SGCZ: variants seen among roughly 807,000 people sequenced by gnomAD.
SGCZ encodes sarcoglycan zeta, also known as zeta-sarcoglycan.
In SGCZ, 40 loss-of-function variants were observed where a neutral mutation model predicts 41.3. That is an observed-to-expected ratio of 0.97 (90% CI 0.75 to 1.26). The LOEUF (loss-of-function observed/expected upper bound fraction) is 1.26, where lower values mean the gene tolerates loss of function less well. Among genes scored for constraint, SGCZ ranks in the 50% most tolerant of loss-of-function variants. The probability of loss-of-function intolerance (pLI) is 0.00; values close to 1 mark genes in which losing one functional copy is unlikely to be tolerated. For missense variants in SGCZ, 552 were observed against 369.8 expected (o/e 1.49, Z -4.04); for synonymous variants, 206 against 137.5 (o/e 1.50, Z -3.49).
At chr8:14,865,179 G>A (rs1803884458) in intron 1 of SGCZ, among the ~76,000 whole-genome samples, 2 of 152,070 alleles carry the variant, frequency 1.3e-5, no homozygotes, top group East Asian at 3.9e-4. Flanking sequence ...ACCGTCACGT[G>A]ACTCCCAGCT....
chr8:15,109,639 A>G (rs903422541), intron 1 of SGCZ, among the ~76,000 whole-genome samples: 9 of 152,216 alleles, frequency 5.9e-5, no homozygotes, highest in Non-Finnish European at 1.2e-4. Flanking sequence ...TTGATTCAGG[A>G]AAACAGAAAT....
chr8:15,091,720 C>CA (rs1806159501), intron 1 of SGCZ, among the ~76,000 whole-genome samples: 1 of 152,132 alleles, frequency 6.6e-6, no homozygotes, highest in South Asian at 2.1e-4. Flanking sequence ...GACATTATAG[C>CA]AAAAGTTCAA....
chr8:14,368,080 G>A (rs934045165), intron 2 of SGCZ, among the ~76,000 whole-genome samples: 2 of 152,032 alleles, frequency 1.3e-5, no homozygotes, highest in Non-Finnish European at 2.9e-5. Flanking sequence ...GAAAAGGTAA[G>A]TAATTTTCCC....
chr8:14,749,997 C>A (rs1399161088), intron 1 of SGCZ, among the ~76,000 whole-genome samples: 2 of 152,092 alleles, frequency 1.3e-5, no homozygotes, highest in Admixed American at 1.3e-4. Context: ...GTTGATCATT[C>A]AAACTCTCCG....
intron 1 of SGCZ, among the ~76,000 whole-genome samples, chr8:15,212,148 G>A: frequency 6.6e-6 from 1 of 152,224 alleles, no homozygotes; most frequent in Non-Finnish European, 1.5e-5. Flanking sequence ...ATAACAATAT[G>A]TTCAAAATTA....
intron 1 of SGCZ, among the ~76,000 whole-genome samples, chr8:14,572,127 T>A (rs1322210199): frequency 6.6e-6 from 1 of 152,184 alleles, no homozygotes; most frequent in African/African-American, 2.4e-5. Flanking sequence ...TAAGATGAAA[T>A]TGCATTAATA....
intron 1 of SGCZ, among the ~76,000 whole-genome samples, chr8:14,646,918 T>TGAAAA (rs1807240377): frequency 2.6e-5 from 4 of 151,930 alleles, no homozygotes; most frequent in African/African-American, 9.7e-5. Flanking sequence ...AAGAAGACTT[T>TGAAAA]ATACTTCTTT....
chr8:14,428,151 C>T (rs200690033), intron 2 of SGCZ, among the ~76,000 whole-genome samples: 1,252 of 46,262 alleles, frequency 0.027, 7 homozygotes, highest in Non-Finnish European at 0.055. Context: ...TATATATATA[C>T]ACACACACAC....
At chr8:14,767,725 T>C (rs572271291) in intron 1 of SGCZ, among the ~76,000 whole-genome samples, 1 of 152,210 alleles carries the variant, frequency 6.6e-6, no homozygotes, top group Non-Finnish European at 1.5e-5. Context: ...CAGGTGGTCC[T>C]GCCATGACTT....
intron 3 of SGCZ, among the ~76,000 whole-genome samples, chr8:14,274,326 T>C (rs1800160454): frequency 6.6e-6 from 1 of 152,178 alleles, no homozygotes; most frequent in Non-Finnish European, 1.5e-5. Flanking sequence ...CTTTTAGCAC[T>C]GTTAAGGTTT....
At position 14,336,404 on chromosome 8, in the gene SGCZ, TG is replaced by T. The variant is rs371064291; in HGVS notation, c.235-12201del. Among the ~76,000 whole-genome samples the T allele has an allele frequency of 1.4e-3, 206 of 152,276 alleles. 2 individuals carry two copies. The highest frequency in any genetic ancestry group is 4.7e-3 in the African/African-American group (197 of 41,578). On this transcript the variant is annotated intron_variant, in intron 2 of 7. Transcript: ENST00000382080. ...TGAATAGTGCTGCAGTGAACATACA[TG>T]TGCATGTGTCTTTATGATAGAATGA...
At chr8:14,754,031 AG>A (rs1799582029) in intron 1 of SGCZ, among the ~76,000 whole-genome samples, 1 of 152,148 alleles carries the variant, frequency 6.6e-6, no homozygotes, top group African/African-American at 2.4e-5. Context: ...GGAAAAAAAA[AG>A]TTTGTTGCTT....
chr8:14,326,111 C>CAA (rs56152915), intron 2 of SGCZ, among the ~76,000 whole-genome samples: 1,883 of 37,898 alleles, frequency 0.05, 346 homozygotes, highest in African/African-American at 0.18. Flanking sequence ...GACTCCGTCT[C>CAA]AAAAAAAAAA....
chr8:14,606,295 C>A (rs1805746464), intron 1 of SGCZ, among the ~76,000 whole-genome samples: 1 of 151,872 alleles, frequency 6.6e-6, no homozygotes, highest in African/African-American at 2.4e-5. Context: ...TTCATATTCA[C>A]TAATAGCTTT....
chr8:14,493,072 A>G (rs552309785), intron 2 of SGCZ, among the ~76,000 whole-genome samples: 4 of 152,222 alleles, frequency 2.6e-5, no homozygotes, highest in South Asian at 2.1e-4. Flanking sequence ...TCTCTTTTCT[A>G]TATCCAGAAT....
chr8:14,722,639 G>C (rs1809923797), intron 1 of SGCZ, among the ~76,000 whole-genome samples: 1 of 132,620 alleles, frequency 7.5e-6, no homozygotes, highest in African/African-American at 3.7e-5. Flanking sequence ...AAGACAAAGT[G>C]AGAGAGAGTT....
At chr8:14,966,167 C>T (rs960062489) in intron 1 of SGCZ, among the ~76,000 whole-genome samples, 30 of 151,514 alleles carry the variant, frequency 2.0e-4, no homozygotes, top group African/African-American at 7.3e-4. Context: ...CACTAGAAAA[C>T]AGATAACCAA....
At chr8:14,253,702 T>C (rs1484961565) in intron 3 of SGCZ, among the ~76,000 whole-genome samples, 2 of 152,176 alleles carry the variant, frequency 1.3e-5, no homozygotes, top group Non-Finnish European at 2.9e-5. Flanking sequence ...AGCTATGTCT[T>C]ATTTATATAT....
chr8:14,875,923 G>C (rs549737386), intron 1 of SGCZ, among the ~76,000 whole-genome samples: 3 of 152,160 alleles, frequency 2.0e-5, no homozygotes, highest in South Asian at 4.1e-4. Flanking sequence ...GGAGCTTTCA[G>C]AATAGCAGAG....
Sources: allele counts gnomAD v4.1 joint callset (sites outside exome capture counted in the v4.1 genomes callset), GRCh38; gene constraint gnomAD v4.1.1; transcripts MANE v1.5; gene names NCBI Gene and HGNC (gene_info 2026-07-23, HGNC 2026-07-21).